The following PPRC1 variants were observed in gnomAD, a reference collection of about 807,000 sequenced individuals.
PPRC1 encodes peroxisome proliferator-activated receptor gamma coactivator-related protein 1.
Under a neutral mutation model 132.5 loss-of-function variants are expected in PPRC1, and 23 were observed. The ratio of observed to expected loss-of-function variants is 0.17; its 90% CI spans 0.12 to 0.25. The LOEUF (loss-of-function observed/expected upper bound fraction) is 0.25, where lower values mean the gene tolerates loss of function less well. Among genes scored for constraint, PPRC1 ranks in the 10% least tolerant of loss-of-function variants. The pLI, the probability that PPRC1 is intolerant of heterozygous loss-of-function variation, is 1.00. For synonymous variants in PPRC1, 872 were observed against 833.5 expected, an observed-to-expected ratio of 1.05 and a Z score of -0.80; for missense variants, 2,006 against 2,089.1, an observed-to-expected ratio of 0.96 and a Z score of 0.78.
chr10:102,138,829 C>T, intron 3 of PPRC1, 50 bp from the exon 4 acceptor site: 1 of 1,611,646 alleles, frequency 6.2e-7, no homozygotes, highest in African/African-American at 1.3e-5. Flanking sequence ...TGGACCTACT[C>T]ATATAGCTCT....
Position 102,139,382 on chromosome 10 carries a change from A to G in PPRC1, c.874A>G (p.Met292Val). The stretch of plus-strand genomic sequence containing the variant: ...GGAAGATAAAGCAACAGCAGCAGAG[A>G]TGGCAGTGCCAGCAGCTGGTGATGA... ...EEEDKATAAEMAVPAAGDESI... is the reference protein window; with the variant it reads ...EEEDKATAAEVAVPAAGDESI... Residue 292 changes from methionine (M) to valine (V), a missense_variant, in exon 5 of 14, where the codon ATG becomes GTG. Met to Val is a conservative substitution (Grantham distance 21). Transcript: ENST00000278070. 1 of 1,614,238 alleles carries G rather than the reference A, an allele frequency of 6.2e-7. No homozygotes were observed. Among genetic ancestry groups the G allele is most frequent in the African/African-American group, 1.3e-5 (1 of 75,058 alleles).
In PPRC1 at chr10:102,148,554, G is replaced by T; in HGVS notation, c.4550+33G>T. 1 of 1,612,428 alleles carries T rather than the reference G, an allele frequency of 6.2e-7. No homozygotes were observed. Among genetic ancestry groups the T allele is most frequent in the Non-Finnish European group, 8.5e-7 (1 of 1,178,438 alleles). On this transcript the variant is annotated intron_variant, in intron 10 of 13. Coordinates refer to ENST00000278070, the MANE Select transcript of PPRC1 (RefSeq NM_015062.5). The surrounding 1 kb of genome is among the most constrained non-coding windows in gnomAD (Gnocchi z 4.2). ...TGTGTTCAGGGAGCGCCATGCACCT[G>T]GGATGCAGGTGCCTAAGAGTTGAGT...
intron 1 of PPRC1, among the ~76,000 whole-genome samples, chr10:102,135,289 G>A (rs556022410): frequency 6.6e-6 from 1 of 152,274 alleles, no homozygotes; most frequent in South Asian, 2.1e-4. Context: ...ACCGAGACCT[G>A]TACTACAGAG....
rs148265392 is a variant in PPRC1, at chr10:102,147,347, G to A, written c.4355G>A (p.Arg1452Gln). The A allele has an allele frequency of 9.3e-6, 15 of 1,610,442 alleles. No individual in the cohort carries two copies. The highest frequency in any genetic ancestry group is 6.6e-5 in the South Asian group (6 of 91,084). ...TCCTCATCATCGTCTTCCTCATCCC[G>A]ATCTCGGTCCAGGTCCCTCTCCCCC... ...SSSSSSSSSS[R>Q]SRSRSLSPPH... The change falls in exon 9 of 14, where the codon CGA becomes CAA. Residue 1452 changes from arginine to glutamine, a missense_variant. Coordinates refer to ENST00000278070, the MANE Select transcript of PPRC1 (RefSeq NM_015062.5).
At position 102,139,145 on chromosome 10, in the gene PPRC1, T is replaced by A. The variant is rs2068839823; in HGVS notation, c.637T>A (p.Ser213Thr). 1.9e-6 allele frequency: 3 copies of A among 1,612,340 alleles called. No individual in the cohort carries two copies. The African/African-American group carries it at 4.0e-5, about 22-fold the overall frequency. The change falls in exon 5 of 14, where the codon TCT becomes ACT. Residue 213 changes from serine to threonine, a missense_variant. This residue lies in a region of PPRC1 where 1,914 missense variants were observed against 1,917.2 expected (regional missense o/e 1.00). Transcript: ENST00000278070. ...PDPSWDFSPP[S>T]FLETSSPKLP... ...TCCCTCTTGGGACTTCTCCCCACCC[T>A]CTTTCTTAGAGACCTCTTCCCCCAA...
chr10:102,128,881 T>C (rs796776090), upstream of PPRC1, among the ~76,000 whole-genome samples: 9 of 147,384 alleles, frequency 6.1e-5, no homozygotes, highest in African/African-American at 2.2e-4. Context: ...CCCAAAGTGC[T>C]GGGATTACAG....
Position 102,137,878 on chromosome 10 carries a change from C to T in PPRC1, c.182C>T (p.Ser61Phe). 6.2e-7 allele frequency: 1 copy of T among 1,613,980 alleles called. No individual in the cohort carries two copies. The highest frequency in any genetic ancestry group is 8.5e-7 in the Non-Finnish European group (1 of 1,179,954). The change falls in exon 2 of 14, where the codon TCT becomes TTT. Residue 61 changes from serine to phenylalanine, a missense_variant. Ser to Phe is a radical substitution (Grantham distance 155, BLOSUM62 -2). Around this residue, in one of 2 missense-constraint regions of PPRC1, gnomAD observed 1,914 missense variants for 1,917.2 expected, o/e 1.00. Coordinates refer to ENST00000278070, the MANE Select transcript of PPRC1 (RefSeq NM_015062.5). ...CTGCTGCATGAGGAGGCGGGTGATT[C>T]TGGCTTTGTCAGTCTCTCTCGGCTG... ...QVLLHEEAGD[S>F]GFVSLSRLGP...
At chr10:102,142,075 C>T in intron 5 of PPRC1, 71 bp downstream of exon 5, 1 of 1,479,320 alleles carries the variant, frequency 6.8e-7, no homozygotes, top group Non-Finnish European at 9.1e-7. Context: ...ATAAGCCACC[C>T]TGATGAGGCT....
chr10:102,126,758 C>T, the PPRC1 span, among the ~76,000 whole-genome samples: 6 of 151,942 alleles, frequency 3.9e-5, no homozygotes, highest in African/African-American at 1.2e-4. Flanking sequence ...CACACCCAGC[C>T]GCAGCCGTGA....
chr10:102,142,176 A>G (rs941815706), intron 5 of PPRC1, among the ~76,000 whole-genome samples, 172 bp downstream of exon 5: 5 of 152,062 alleles, frequency 3.3e-5, no homozygotes, highest in African/African-American at 1.2e-4. Flanking sequence ...CAGTGGTGCA[A>G]TCTCGGCTCA....
In PPRC1 at chr10:102,148,702, G is replaced by C. The variant is rs767943217; in HGVS notation, c.4617+8G>C. 3.7e-6 allele frequency: 6 copies of C among 1,614,070 alleles called. No homozygotes were observed. The African/African-American group carries it at 8.0e-5, about 22-fold the overall frequency. On this transcript the variant is annotated splice_region_variant and intron_variant, in intron 11 of 13. Transcript: ENST00000278070. The surrounding 1 kb of genome is among the most constrained non-coding windows in gnomAD (Gnocchi z 4.2). ...CAAAAGGAGCGTGCAATAGTGAGTA[G>C]AGGAACAGATCATGGGAGGATGGGG...
At chr10:102,144,582 G>C in intron 7 of PPRC1, 1 of 529,376 alleles carries the variant, frequency 1.9e-6, no homozygotes, top group South Asian at 2.4e-5. Flanking sequence ...TCATACCTTT[G>C]GGGATTTCTT....
At chr10:102,135,198 G>T (rs1471302693) in intron 1 of PPRC1, among the ~76,000 whole-genome samples, 1 of 152,170 alleles carries the variant, frequency 6.6e-6, no homozygotes, top group African/African-American at 2.4e-5. Context: ...ATTTAAAGCT[G>T]AGATGTTAAA....
chr10:102,141,177 C>G lies in PPRC1; in HGVS notation c.2669C>G (p.Pro890Arg). 1 of 1,614,066 alleles carries G rather than the reference C, an allele frequency of 6.2e-7. No homozygotes were observed. The highest frequency in any genetic ancestry group is 8.5e-7 in the Non-Finnish European group (1 of 1,179,962). ...PFPAGGLGMPPSLPPPPLQPP... is the reference protein window; with the variant it reads ...PFPAGGLGMPRSLPPPPLQPP... ...CCTGCAGGTGGGCTTGGCATGCCCCCCAGTCTGCCCCCACCTCCCTTGCAG... is the reference window on the plus strand; with the variant it reads ...CCTGCAGGTGGGCTTGGCATGCCCCGCAGTCTGCCCCCACCTCCCTTGCAG... Residue 890 changes from proline to arginine, a missense_variant, in exon 5 of 14, where the codon CCC (proline) becomes CGC (arginine). This residue lies in a region of PPRC1 where 1,914 missense variants were observed against 1,917.2 expected (regional missense o/e 1.00). Transcript: ENST00000278070.
chr10:102,128,276 A>G (rs907825099), upstream of PPRC1, among the ~76,000 whole-genome samples: 1 of 151,754 alleles, frequency 6.6e-6, no homozygotes, highest in East Asian at 1.9e-4. Flanking sequence ...AGTATCTGGG[A>G]TTACAGGCAC....
rs1397507767 is a variant in PPRC1, at chr10:102,149,970, T to C, written c.4936T>C (p.Phe1646Leu). Residue 1646 changes from phenylalanine (F) to leucine (L), a missense_variant, in exon 14 of 14, where the codon TTT becomes CTT. By Grantham distance (22) the Phe-to-Leu change is conservative. Around this residue, in one of 2 missense-constraint regions of PPRC1, gnomAD observed 92 missense variants for 171.9 expected, o/e 0.54. Coordinates refer to ENST00000278070, the MANE Select transcript of PPRC1 (RefSeq NM_015062.5). ...TGACCCAGCACCTGTAAAGAGCAAA[T>C]TTGATTCTCTTGACTTTGACACATT... The part of the protein sequence containing the change: ...DFDPAPVKSK[F>L]DSLDFDTLLK... The C allele has an allele frequency of 1.2e-6, 2 of 1,613,734 alleles. No individual in the cohort carries two copies. The highest frequency in any genetic ancestry group is 2.2e-5 in the East Asian group (1 of 44,882).
the PPRC1 span, among the ~76,000 whole-genome samples, chr10:102,122,652 A>G: frequency 6.6e-6 from 1 of 151,866 alleles, no homozygotes; most frequent in African/African-American, 2.4e-5. Context: ...CCAAACAACT[A>G]GCTTGGTCAG....
rs781765267 is a variant in PPRC1 at position 102,148,567 on chromosome 10, C to G, written c.4550+46C>G. On this transcript the variant is annotated intron_variant, in intron 10 of 13. Coordinates refer to ENST00000278070, the MANE Select transcript of PPRC1 (RefSeq NM_015062.5). This position sits in a 1 kb window ranked among gnomAD's most constrained non-coding sequence, Gnocchi z 4.2. ...CGCCATGCACCTGGGATGCAGGTGC[C>G]TAAGAGTTGAGTCTTGAATTGTCTT... The G allele has an allele frequency of 6.2e-6, 10 of 1,612,180 alleles. 1 individual carries two copies. The highest frequency in any genetic ancestry group is 3.3e-4 in the Middle Eastern group (2 of 6,060).
At chr10:102,134,130 A>G (rs1177072843) in intron 1 of PPRC1, among the ~76,000 whole-genome samples, 1 of 152,048 alleles carries the variant, frequency 6.6e-6, no homozygotes, top group Non-Finnish European at 1.5e-5. Flanking sequence ...TAGTGATTCA[A>G]GGGGTATGGG....
Sources: gnomAD v4.1 joint callset for allele counts (sites outside exome capture counted in the v4.1 genomes callset) on GRCh38, gnomAD v4.1.1 for gene constraint, gnomAD v4.1.1 regional missense constraint, Gnocchi (gnomAD v3.1) non-coding constraint, MANE v1.5 for transcripts, NCBI Gene and HGNC (gene_info 2026-07-23, HGNC 2026-07-21) for gene names.